The following BCAS3 variants were observed in gnomAD, a reference collection of about 807,000 sequenced individuals.
BCAS3 encodes BCAS3 microtubule associated cell migration factor.
A neutral mutation model predicts 116.1 loss-of-function variants in BCAS3; 53 were observed. The ratio of observed to expected loss-of-function variants is 0.46; its 90% CI spans 0.37 to 0.57. The LOEUF (loss-of-function observed/expected upper bound fraction) is 0.57, where lower values mean the gene tolerates loss of function less well. Among genes scored for constraint, BCAS3 ranks in the 20% least tolerant of loss-of-function variants. BCAS3 has a pLI of 0.00. For missense variants in BCAS3, 917 were observed against 1,165.4 expected, an observed-to-expected ratio of 0.79 and a Z score of 3.10; for synonymous variants, 391 against 408.2, an observed-to-expected ratio of 0.96 and a Z score of 0.51.
At position 61,258,729 on chromosome 17, in the gene BCAS3, G is replaced by C. The variant is rs1229409375; in HGVS notation, c.2426-109598G>C. 3.3e-5 allele frequency among the ~76,000 whole-genome samples: 5 copies of C among 152,200 alleles called. No homozygotes were observed. Among genetic ancestry groups the C allele is most frequent in the Non-Finnish European group, 7.4e-5 (5 of 68,026 alleles). On this transcript the variant is annotated intron_variant, in intron 22 of 23. Coordinates refer to ENST00000407086, the MANE Select transcript of BCAS3 (RefSeq NM_017679.5). The surrounding 1 kb of genome is among the most constrained non-coding windows in gnomAD (Gnocchi z 4.7). Reference sequence around the variant, plus strand: ...TTTAGTAGACTCATTTGATATAACAGGGACTGGTATACACCCTCTGTAGTT... The same window carrying C: ...TTTAGTAGACTCATTTGATATAACACGGACTGGTATACACCCTCTGTAGTT...
chr17:60,859,989 T>C (rs1051356438), intron 7 of BCAS3, among the ~76,000 whole-genome samples: 2 of 152,246 alleles, frequency 1.3e-5, no homozygotes, highest in African/African-American at 2.4e-5. Flanking sequence ...TATGGTAGAA[T>C]GATTGATATT....
At chr17:61,050,259 G>A (rs1011945814) in intron 19 of BCAS3, among the ~76,000 whole-genome samples, 7 of 151,892 alleles carry the variant, frequency 4.6e-5, no homozygotes, top group Admixed American at 3.3e-4. Flanking sequence ...GGTGAAAAAC[G>A]TAGGTAAATG....
chr17:60,681,885 A>C (rs77529631), intron 2 of BCAS3, among the ~76,000 whole-genome samples: 1 of 151,974 alleles, frequency 6.6e-6, no homozygotes, highest in African/African-American at 2.4e-5. Context: ...ATGCGCCACC[A>C]TGCCTGGCTA....
intron 5 of BCAS3, among the ~76,000 whole-genome samples, chr17:60,724,542 C>T (rs143823252): frequency 0.015 from 2,225 of 150,906 alleles, 32 homozygotes; most frequent in Non-Finnish European, 0.022. Context: ...TTGGCCAACA[C>T]GGTGAAACCC....
rs1487785614 is a variant in BCAS3, at chr17:61,181,719, A to T, written c.2425+97155A>T. ...GATAAGAGTCAACTCTAAAATCAAA[A>T]TAAATAGAAGCTCCACCATGATTTT... On this transcript the variant is annotated intron_variant, in intron 22 of 23. Coordinates refer to ENST00000407086, the MANE Select transcript of BCAS3 (RefSeq NM_017679.5). This position sits in a 1 kb window ranked among gnomAD's most constrained non-coding sequence, Gnocchi z 5.0. Among the ~76,000 whole-genome samples, 1 of 152,210 alleles carries T rather than the reference A, an allele frequency of 6.6e-6. No individual in the cohort carries two copies.
intron 22 of BCAS3, among the ~76,000 whole-genome samples, chr17:61,330,934 C>G (rs978162448): frequency 2.6e-5 from 4 of 152,222 alleles, no homozygotes; most frequent in African/African-American, 9.7e-5. Flanking sequence ...TCTGCCATCT[C>G]TCTACTAGGT....
At chr17:60,963,310 A>G (rs940545218) in intron 14 of BCAS3, among the ~76,000 whole-genome samples, 14 of 152,176 alleles carry the variant, frequency 9.2e-5, no homozygotes, top group Non-Finnish European at 1.9e-4. Context: ...TTGAATCTGT[A>G]AACTACTTTG....
chr17:60,781,705 C>T (rs1228723204), intron 6 of BCAS3, among the ~76,000 whole-genome samples: 1 of 152,006 alleles, frequency 6.6e-6, no homozygotes, highest in African/African-American at 2.4e-5. Context: ...TCCTCTACCC[C>T]TTAAAACAAA....
At chr17:60,735,998 G>A (rs2040918721) in intron 5 of BCAS3, among the ~76,000 whole-genome samples, 2 of 143,272 alleles carry the variant, frequency 1.4e-5, no homozygotes, top group South Asian at 4.1e-4. Flanking sequence ...TTTTTTGAAG[G>A]TTGAACCAGC....
intron 7 of BCAS3, among the ~76,000 whole-genome samples, chr17:60,840,116 A>G (rs549594920): frequency 2.0e-4 from 31 of 152,242 alleles, no homozygotes; most frequent in Middle Eastern, 3.4e-3. Context: ...AAATACCCAA[A>G]TGTAAAGAAA....
At position 61,391,733 on chromosome 17, in the gene BCAS3, C is replaced by T; in HGVS notation, c.2594-244C>T. The T allele has an allele frequency of 3.8e-6, 2 of 530,894 alleles. No individual in the cohort carries two copies. The highest frequency in any genetic ancestry group is 6.8e-6 in the Non-Finnish European group (2 of 296,244). 32.9% of individuals were successfully genotyped at this position (530,894 alleles called of 1,614,324 possible). ...CCGTGCTTCGGGCCTAAAGGGCTTC[C>T]CGCAGCAGGGAGACGGTGCTCTCAC... is the stretch of plus-strand genomic sequence containing the variant. On this transcript the variant is annotated intron_variant, in intron 23 of 23. Transcript: ENST00000407086. This position sits in a 1 kb window ranked among gnomAD's most constrained non-coding sequence, Gnocchi z 7.7.
intron 14 of BCAS3, among the ~76,000 whole-genome samples, chr17:60,953,196 G>T (rs2060935738): frequency 6.6e-6 from 1 of 152,066 alleles, no homozygotes; most frequent in Admixed American, 6.6e-5. Context: ...TTGCCACACG[G>T]CTTTCCCCAG....
In BCAS3 at chr17:60,848,452, C is replaced by T. The variant is rs111539992; in HGVS notation, c.477-20124C>T. Among the ~76,000 whole-genome samples the T allele has an allele frequency of 2.0e-5, 3 of 152,178 alleles. No individual in the cohort carries two copies. In the East Asian group the frequency reaches 5.8e-4, roughly 29 times the overall value. ...GATCCTGCAACTTTGTTGAATTTAT[C>T]AGTTCTGGTACTTTTATAGATTATC... On this transcript the variant is annotated intron_variant, in intron 7 of 23. Transcript: ENST00000407086.
intron 22 of BCAS3, among the ~76,000 whole-genome samples, chr17:61,107,864 T>A (rs765559178): frequency 5.3e-5 from 8 of 152,246 alleles, no homozygotes; most frequent in Non-Finnish European, 8.8e-5. Context: ...TTCATTCCAC[T>A]GAGCTAAAGG....
chr17:60,881,701 T>G (rs935627221), intron 9 of BCAS3, among the ~76,000 whole-genome samples: 6 of 151,218 alleles, frequency 4.0e-5, no homozygotes, highest in African/African-American at 1.5e-4. Flanking sequence ...TTTGGTTTTT[T>G]GGTCTTGCGA....
chr17:61,030,330 G>A (rs915255978), intron 16 of BCAS3, among the ~76,000 whole-genome samples: 5 of 152,080 alleles, frequency 3.3e-5, no homozygotes, highest in African/African-American at 1.2e-4. Flanking sequence ...CTATTCAGAT[G>A]GAGATCATTG....
In BCAS3 at chr17:61,313,660, C is replaced by T. The variant is rs1289212678; in HGVS notation, c.2426-54667C>T. Among the ~76,000 whole-genome samples, 2 of 152,178 alleles carry T rather than the reference C, an allele frequency of 1.3e-5. No homozygotes were observed. Among genetic ancestry groups the T allele is most frequent in the Admixed American group, 1.3e-4 (2 of 15,278 alleles). On this transcript the variant is annotated intron_variant, in intron 22 of 23. Coordinates refer to ENST00000407086, the MANE Select transcript of BCAS3 (RefSeq NM_017679.5). The surrounding 1 kb of genome is among the most constrained non-coding windows in gnomAD (Gnocchi z 4.3). Reference sequence around the variant, plus strand: ...TCGGGTCCTGCTCGCTGAAGAGGTACAGCATCTGGAGGAGGACTTTCCGGC... The same window carrying T: ...TCGGGTCCTGCTCGCTGAAGAGGTATAGCATCTGGAGGAGGACTTTCCGGC...
Position 61,392,180 on chromosome 17 carries a change from GAA to G in BCAS3, c.*56_*57del. The G allele has an allele frequency of 6.3e-7, 1 of 1,577,588 alleles. No individual in the cohort carries two copies. Among genetic ancestry groups the G allele is most frequent in the Non-Finnish European group, 8.7e-7 (1 of 1,155,456 alleles). ...CCCCCTCCCCTGCTGGAGGAGGGGAGAAGCCCCGCTCTGGTCCTACCCTTCAG... is the reference window on the plus strand; with the variant it reads ...CCCCCTCCCCTGCTGGAGGAGGGGAGGCCCCGCTCTGGTCCTACCCTTCAG... On this transcript the variant is annotated 3_prime_UTR_variant, in exon 24 of 24. Coordinates refer to ENST00000407086, the MANE Select transcript of BCAS3 (RefSeq NM_017679.5). The surrounding 1 kb of genome is among the most constrained non-coding windows in gnomAD (Gnocchi z 6.4).
chr17:61,152,964 A>G (rs113070432), intron 22 of BCAS3, among the ~76,000 whole-genome samples: 3,387 of 152,314 alleles, frequency 0.022, 55 homozygotes, highest in Non-Finnish European at 0.036. Flanking sequence ...TTCTTTTGAA[A>G]GAAATTTTCT....
Sources: allele counts gnomAD v4.1 joint callset (sites outside exome capture counted in the v4.1 genomes callset), GRCh38; gene constraint gnomAD v4.1.1; non-coding constraint Gnocchi (gnomAD v3.1); transcripts MANE v1.5; gene names NCBI Gene and HGNC (gene_info 2026-07-23, HGNC 2026-07-21).